SCN2B: variants seen among roughly 807,000 people sequenced by gnomAD.
SCN2B encodes sodium voltage-gated channel beta subunit 2.
SCN2B carries 14 observed loss-of-function variants against 18.2 expected under a neutral mutation model. That is an observed-to-expected ratio of 0.77 (90% CI 0.51 to 1.21). The LOEUF (loss-of-function observed/expected upper bound fraction) is 1.21. SCN2B is among the 50% of genes most tolerant of loss of function. SCN2B has a pLI of 0.00. For synonymous variants in SCN2B, 115 were observed against 115.3 expected, an observed-to-expected ratio of 1.00 and a Z score of 0.02; for missense variants, 262 against 286.9, an observed-to-expected ratio of 0.91 and a Z score of 0.63.
chr11:118,171,244 G>T (rs1948428945), intron 1 of SCN2B, among the ~76,000 whole-genome samples: 1 of 152,188 alleles, frequency 6.6e-6, no homozygotes, highest in Non-Finnish European at 1.5e-5. Context: ...GAGCTTAAGT[G>T]CTCATTAGGG....
chr11:118,168,094 G>A lies in SCN2B; in HGVS notation c.439C>T (p.Leu147Phe), dbSNP rs1423215438. The A allele has an allele frequency of 1.2e-6, 2 of 1,613,720 alleles. No homozygotes were observed. The highest frequency in any genetic ancestry group is 1.7e-5 in the Admixed American group (1 of 59,968). The change falls in exon 3 of 4, where the codon CTC becomes TTC. Residue 147 changes from leucine (L) to phenylalanine (F), a missense_variant. Leu to Phe is a conservative substitution (Grantham distance 22). Coordinates refer to ENST00000278947, the MANE Select transcript of SCN2B (RefSeq NM_004588.5). The surrounding 1 kb of genome is among the most constrained non-coding windows in gnomAD (Gnocchi z 4.7). ...RGHGKIHLQV[L>F]MEEPPERDST... ...GCACCCCAGCCTTCACCTTCCATGA[G>A]GACCTGCAGATGGATCTTGCCATGG...
Position 118,176,450 on chromosome 11 carries a change from T to C in SCN2B, c.-19A>G. 1 of 1,608,896 alleles carries C rather than the reference T, an allele frequency of 6.2e-7. No individual in the cohort carries two copies. The highest frequency in any genetic ancestry group is 2.2e-5 in the East Asian group (1 of 44,818). On this transcript the variant is annotated 5_prime_UTR_variant, in exon 1 of 4. Transcript: ENST00000278947. ...TGTGCATTTTCAGAGACTGAGATGT[T>C]AGTCGGGTGGGCTACGGGAGAGGGT...
At chr11:118,167,201 G>A (rs914406937) in intron 3 of SCN2B, 115 bp from the exon 4 acceptor site, 1 of 1,141,796 alleles carries the variant, frequency 8.8e-7, no homozygotes, top group African/African-American at 1.5e-5. Context: ...CCACAGACAG[G>A]ACTTTAGCAA....
chr11:118,168,541 G>A lies in SCN2B; in HGVS notation c.237+44C>T. ...GGGACCAGGGGCTTCATGCCATGGG[G>A]CTCCTACCTCCTCCCCTGCCCCTGC... On this transcript the variant is annotated intron_variant, in intron 2 of 3. Transcript: ENST00000278947. The surrounding 1 kb of genome is among the most constrained non-coding windows in gnomAD (Gnocchi z 4.7). 1 of 1,612,368 alleles carries A rather than the reference G, an allele frequency of 6.2e-7. No individual in the cohort carries two copies. The highest frequency in any genetic ancestry group is 1.7e-5 in the Admixed American group (1 of 60,026).
At position 118,172,509 on chromosome 11, in the gene SCN2B, GGCAGGCCCGCCA is replaced by G. The variant is rs566210643; in HGVS notation, c.71-3770_71-3759del. Among the ~76,000 whole-genome samples the G allele has an allele frequency of 6.4e-4, 97 of 152,362 alleles. 2 individuals carry two copies. In the East Asian group the frequency reaches 0.018, roughly 29 times the overall value. On this transcript the variant is annotated intron_variant, in intron 1 of 3. Coordinates refer to ENST00000278947, the MANE Select transcript of SCN2B (RefSeq NM_004588.5). ...CGACTATATGGCAGGTCCAACTCCA[GGCAGGCCCGCCA>G]GCAGGGAATTGTACCATTTAAAGGA...
intron 1 of SCN2B, among the ~76,000 whole-genome samples, chr11:118,175,735 C>T (rs1948464314): frequency 6.6e-6 from 1 of 152,172 alleles, no homozygotes; most frequent in Admixed American, 6.5e-5. Flanking sequence ...ACACCTGGCC[C>T]TTCCTCCATT....
Position 118,166,770 on chromosome 11 carries a change from G to T in SCN2B, c.*117C>A. 8.0e-7 allele frequency: 1 copy of T among 1,252,644 alleles called. No individual in the cohort carries two copies. The highest frequency in any genetic ancestry group is 1.1e-6 in the Non-Finnish European group (1 of 869,948). 77.6% of individuals were successfully genotyped at this position (1,252,644 alleles called of 1,614,324 possible). A position where few individuals can be genotyped will look rare whatever the true frequency, so the allele number is the denominator to read the frequency against. ...GAAGTCGGGGGTTCAGGAGGCCCCA[G>T]GTGGGCCCTGGGGTCCTAGGTCACG... On this transcript the variant is annotated 3_prime_UTR_variant, in exon 4 of 4. Coordinates refer to ENST00000278947, the MANE Select transcript of SCN2B (RefSeq NM_004588.5).
rs1233702779 is a variant in SCN2B at position 118,168,064 on chromosome 11, A to C, written c.448+21T>G. The C allele has an allele frequency of 3.1e-6, 5 of 1,606,364 alleles. No individual in the cohort carries two copies. ...TGGGTGGGAAAGGTCAGGGCCCCGC[A>C]GCTGGCACCCCAGCCTTCACCTTCC... is the stretch of plus-strand genomic sequence containing the variant. On this transcript the variant is annotated intron_variant, in intron 3 of 3. Coordinates refer to ENST00000278947, the MANE Select transcript of SCN2B (RefSeq NM_004588.5). The surrounding 1 kb of genome is among the most constrained non-coding windows in gnomAD (Gnocchi z 4.7).
Position 118,168,795 on chromosome 11 carries a change from G to C in SCN2B, c.71-44C>G. ...GCTGGTGAGGAGTCTGGCTGAAAGG[G>C]CTGGGGAGGGGCAAGCCCTCTGTGC... is the stretch of plus-strand genomic sequence containing the variant. On this transcript the variant is annotated intron_variant, in intron 1 of 3. Transcript: ENST00000278947. This position sits in a 1 kb window ranked among gnomAD's most constrained non-coding sequence, Gnocchi z 4.7. 10 of 1,611,222 alleles carry C rather than the reference G, an allele frequency of 6.2e-6. No homozygotes were observed. The highest frequency in any genetic ancestry group is 7.6e-6 in the Non-Finnish European group (9 of 1,178,164).
At chr11:118,169,317 C>T (rs1948412001) in intron 1 of SCN2B, among the ~76,000 whole-genome samples, 1 of 152,214 alleles carries the variant, frequency 6.6e-6, no homozygotes, top group African/African-American at 2.4e-5. Flanking sequence ...CACATGCCAG[C>T]AGAAGACCAC....
rs1948470790 is a variant in SCN2B at position 118,176,614 on chromosome 11, T to C, written c.-183A>G. On this transcript the variant is annotated 5_prime_UTR_variant, in exon 1 of 4. Transcript: ENST00000278947. Reference sequence around the variant, plus strand: ...ATATGGCCGGCTTGTATGTTGCTGCTAAAAAGAGAGAGAGAGGGAGTGTGT... The same window carrying C: ...ATATGGCCGGCTTGTATGTTGCTGCCAAAAAGAGAGAGAGAGGGAGTGTGT... The C allele has an allele frequency of 2.9e-6, 1 of 345,864 alleles. No individual in the cohort carries two copies. The highest frequency in any genetic ancestry group is 2.5e-5 in the African/African-American group (1 of 39,958). The allele number at this position is 345,864 out of a possible 1,614,324, so 21.4% of individuals were successfully genotyped here. A position where few individuals can be genotyped will look rare whatever the true frequency, so the allele number is the denominator to read the frequency against.
At chr11:118,167,176 T>G (rs922984279) in intron 3 of SCN2B, 90 bp from the exon 4 acceptor site, 2 of 1,357,142 alleles carry the variant, frequency 1.5e-6, no homozygotes, top group Non-Finnish European at 2.0e-6. Context: ...GGAACCATCC[T>G]GACTTTACTC....
At chr11:118,172,645 G>C (rs1370348104) in intron 1 of SCN2B, among the ~76,000 whole-genome samples, 3 of 152,250 alleles carry the variant, frequency 2.0e-5, no homozygotes, top group Non-Finnish European at 4.4e-5. Flanking sequence ...GAAGGGAAAA[G>C]ATCATCAACG....
rs1253583239 is a variant in SCN2B at position 118,166,103 on chromosome 11, A to T, written c.*784T>A. ...CATTCACCATGGAGCCCCACCCCTC[A>T]GCCCCTCAGCTGACTTTGAAACTGG... is the stretch of plus-strand genomic sequence containing the variant. On this transcript the variant is annotated 3_prime_UTR_variant, in exon 4 of 4. Coordinates refer to ENST00000278947, the MANE Select transcript of SCN2B (RefSeq NM_004588.5). 1 of 152,520 alleles carries T rather than the reference A, an allele frequency of 6.6e-6. No individual in the cohort carries two copies. Among genetic ancestry groups the T allele is most frequent in the Non-Finnish European group, 1.5e-5 (1 of 68,292 alleles). 9.4% of individuals were successfully genotyped at this position (152,520 alleles called of 1,614,324 possible).
chr11:118,168,410 T>C lies in SCN2B; in HGVS notation c.238-115A>G. ...TTCCTGGGGAAGAGAGGCAGTTACC[T>C]CTGTGAGGCACCTGGATGCGCAGCA... On this transcript the variant is annotated intron_variant, in intron 2 of 3. Coordinates refer to ENST00000278947, the MANE Select transcript of SCN2B (RefSeq NM_004588.5). This position sits in a 1 kb window ranked among gnomAD's most constrained non-coding sequence, Gnocchi z 4.7. The C allele has an allele frequency of 7.9e-7, 1 of 1,266,044 alleles. No homozygotes were observed. Among genetic ancestry groups the C allele is most frequent in the Non-Finnish European group, 1.2e-6 (1 of 866,576 alleles). 78.4% of individuals were successfully genotyped at this position (1,266,044 alleles called of 1,614,324 possible). A position where few individuals can be genotyped will look rare whatever the true frequency, so the allele number is the denominator to read the frequency against.
intron 1 of SCN2B, 144 bp downstream of exon 1, chr11:118,176,218 C>A: frequency 5.2e-6 from 4 of 768,970 alleles, no homozygotes; most frequent in Non-Finnish European, 6.8e-6. Flanking sequence ...CAGCAACGTC[C>A]CTTCCAGTCC....
At chr11:118,174,091 C>CTTTTTTTTTTTTTTTTTTTTTTTTTTTTT (rs1162918445) in intron 1 of SCN2B, among the ~76,000 whole-genome samples, 2 of 66,626 alleles carry the variant, frequency 3.0e-5, no homozygotes, top group Non-Finnish European at 2.6e-5. Context: ...TTTTTCTTTT[C>CTTTTTTTTTTTTTTTTTTTTTTTTTTTTT]TTTTTTTTTT....
chr11:118,163,472 A>T lies in SCN2B; in HGVS notation c.*3415T>A, dbSNP rs1181985261. On this transcript the variant is annotated 3_prime_UTR_variant, in exon 4 of 4. Transcript: ENST00000278947. Reference sequence around the variant, plus strand: ...ATCCGATCAGCTTTTCCTTTTTATAAACTGGAAATAACTGTGAAGAGTCCA... The same window carrying T: ...ATCCGATCAGCTTTTCCTTTTTATATACTGGAAATAACTGTGAAGAGTCCA... The T allele has an allele frequency of 6.6e-6, 1 of 152,664 alleles. No homozygotes were observed. Among genetic ancestry groups the T allele is most frequent in the African/African-American group, 2.4e-5 (1 of 41,456 alleles). The allele number at this position is 152,664 out of a possible 1,614,324, so 9.5% of individuals were successfully genotyped here.
At position 118,176,442 on chromosome 11, in the gene SCN2B, T is replaced by C; in HGVS notation, c.-11A>G. On this transcript the variant is annotated 5_prime_UTR_variant, in exon 1 of 4. Transcript: ENST00000278947. ...GGCATCTCTGTGCATTTTCAGAGAC[T>C]GAGATGTTAGTCGGGTGGGCTACGG... 1.2e-6 allele frequency: 2 copies of C among 1,611,760 alleles called. No individual in the cohort carries two copies.
Sources: gnomAD v4.1 joint callset for allele counts (sites outside exome capture counted in the v4.1 genomes callset) on GRCh38, gnomAD v4.1.1 for gene constraint, Gnocchi (gnomAD v3.1) non-coding constraint, MANE v1.5 for transcripts, NCBI Gene and HGNC (gene_info 2026-07-23, HGNC 2026-07-21) for gene names.